The following SPRYD7 variants were observed in gnomAD, a reference collection of about 807,000 sequenced individuals.
SPRYD7 encodes SPRY domain containing 7, also known as SPRY domain-containing protein 7.
SPRYD7 carries 14 observed loss-of-function variants against 23.8 expected under a neutral mutation model. That is an observed-to-expected ratio of 0.59 (90% CI 0.39 to 0.92). The LOEUF is 0.92. SPRYD7 is among the 40% of genes least tolerant of loss of function. The pLI is 0.00. For synonymous variants in SPRYD7, 75 were observed against 84.9 expected, an observed-to-expected ratio of 0.88 and a Z score of 0.64; for missense variants, 194 against 241.7, an observed-to-expected ratio of 0.80 and a Z score of 1.31.
intron 3 of SPRYD7, among the ~76,000 whole-genome samples, chr13:49,923,053 A>G (rs1046150978): frequency 6.6e-6 from 1 of 152,220 alleles, no homozygotes; most frequent in Non-Finnish European, 1.5e-5. Flanking sequence ...TAATAAAGCT[A>G]GCTGATGGCT....
At chr13:49,915,435 TTTC>T (rs1471004436) in intron 4 of SPRYD7, among the ~76,000 whole-genome samples, 38 of 152,308 alleles carry the variant, frequency 2.5e-4, no homozygotes, top group African/African-American at 8.7e-4. Context: ...GGGTAATTTT[TTTC>T]TTATTTGCTT....
intron 2 of SPRYD7, among the ~76,000 whole-genome samples, chr13:49,929,274 C>T (rs1032220917): frequency 1.3e-5 from 2 of 152,164 alleles, no homozygotes; most frequent in Non-Finnish European, 2.9e-5. Context: ...CATGCCACTG[C>T]ACTCCAGCCT....
At chr13:49,935,902 A>C in intron 1 of SPRYD7, 1 of 347,194 alleles carries the variant, frequency 2.9e-6, no homozygotes, top group Non-Finnish European at 5.2e-6. Flanking sequence ...GGAGGTCCAC[A>C]CGCCCATTCG....
chr13:49,919,762 A>AATAAAGCAGAATGGATTGATAAACC (rs1955796594), intron 4 of SPRYD7, among the ~76,000 whole-genome samples: 1 of 151,628 alleles, frequency 6.6e-6, no homozygotes, highest in African/African-American at 2.4e-5. Context: ...TAGTATAAAA[A>AATAAAGCAGAATGGATTGATAAACC]ATAAAGCAGA....
rs887358638 is a variant in SPRYD7 at position 49,924,456 on chromosome 13, T to TTTTA, written c.391-2880_391-2877dup. 2.5e-3 allele frequency among the ~76,000 whole-genome samples: 375 copies of TTTTA among 152,072 alleles called. 3 individuals are homozygous for TTTTA. The highest frequency in any genetic ancestry group is 8.4e-3 in the African/African-American group (350 of 41,462). On this transcript the variant is annotated intron_variant, in intron 3 of 4. Transcript: ENST00000361840. ...ATGCCCGGCTAATTTTCTTTTTAAA[T>TTTTA]TTTATTTATTTATTTATTTGTTTGT... is the stretch of plus-strand genomic sequence containing the variant.
rs1036599637 is a variant in SPRYD7, at chr13:49,913,471, C to A, written c.*1592G>T. The stretch of plus-strand genomic sequence containing the variant: ...AGAAAGAAAACCACTTTCCCTGATA[C>A]TTTACCATCCAGGAAACTACACTTA... On this transcript the variant is annotated 3_prime_UTR_variant, in exon 5 of 5. Coordinates refer to ENST00000361840, the MANE Select transcript of SPRYD7 (RefSeq NM_020456.4). 6.6e-6 allele frequency: 1 copy of A among 151,066 alleles called. No homozygotes were observed. Among genetic ancestry groups the A allele is most frequent in the African/African-American group, 2.4e-5 (1 of 41,160 alleles). The allele number at this position is 151,066 out of a possible 1,614,324, so 9.4% of individuals were successfully genotyped here.
chr13:49,933,338 C>T (rs1385852400), intron 1 of SPRYD7, among the ~76,000 whole-genome samples: 1 of 152,116 alleles, frequency 6.6e-6, no homozygotes, highest in African/African-American at 2.4e-5. Flanking sequence ...AGGTGGCTAA[C>T]ACCTGTAATC....
chr13:49,936,199 T>G lies in SPRYD7; in HGVS notation c.37A>C (p.Arg13=). 6.2e-7 allele frequency: 1 copy of G among 1,608,924 alleles called. No individual in the cohort carries two copies. The highest frequency in any genetic ancestry group is 8.5e-7 in the Non-Finnish European group (1 of 1,178,746). The change falls in exon 1 of 5, where the codon AGA becomes CGA. Residue 13 remains arginine, a synonymous_variant. Transcript: ENST00000361840. ...TSVLCCLRCC[R]DGGTGHIPLK... is the part of the protein sequence containing the mutation. ...GGGATGTGGCCAGTCCCCCCGTCTC[T>G]GCAGCACCGCAGGCAGCACAACACC...
intron 3 of SPRYD7, among the ~76,000 whole-genome samples, chr13:49,924,976 CAA>C (rs1227471302): frequency 1.1e-5 from 1 of 94,166 alleles, no homozygotes. Context: ...AACTCCATCT[CAA>C]AAAAAAAAAA....
chr13:49,928,593 C>T (rs573111514), intron 2 of SPRYD7, among the ~76,000 whole-genome samples: 203 of 152,292 alleles, frequency 1.3e-3, no homozygotes, highest in African/African-American at 3.2e-3. Flanking sequence ...AATTACCTAA[C>T]CTCTCTTTGT....
intron 4 of SPRYD7, among the ~76,000 whole-genome samples, chr13:49,918,720 A>T (rs565628557): frequency 8.8e-4 from 116 of 131,164 alleles, no homozygotes; most frequent in African/African-American, 3.0e-3. Context: ...ATTTTATTTT[A>T]TTTTTTTTTG....
chr13:49,918,403 C>CTTTT (rs11436488), intron 4 of SPRYD7, among the ~76,000 whole-genome samples: 15 of 143,090 alleles, frequency 1.0e-4, no homozygotes, highest in Non-Finnish European at 9.0e-5. Context: ...TAAATTAGTT[C>CTTTT]TTTTTTTTTT....
chr13:49,935,978 G>A (rs1871606002), intron 1 of SPRYD7, 152 bp downstream of exon 1: 2 of 460,148 alleles, frequency 4.3e-6, no homozygotes, highest in Non-Finnish European at 7.5e-6. Flanking sequence ...GGAGTCCGCC[G>A]GCTTCTGGAG....
intron 1 of SPRYD7, among the ~76,000 whole-genome samples, chr13:49,932,519 A>C (rs1871433994): frequency 6.6e-6 from 1 of 152,208 alleles, no homozygotes; most frequent in South Asian, 2.1e-4. Flanking sequence ...TCTAACATGT[A>C]AGAATACACA....
chr13:49,928,206 A>C, intron 2 of SPRYD7, 121 bp from the exon 3 acceptor site: 1 of 821,936 alleles, frequency 1.2e-6, no homozygotes. Context: ...GTTTTCTATT[A>C]CTCTTTTTAA....
intron 4 of SPRYD7, among the ~76,000 whole-genome samples, chr13:49,917,394 C>T (rs950588704): frequency 5.3e-5 from 8 of 152,158 alleles, no homozygotes; most frequent in African/African-American, 1.4e-4. Context: ...TGAGCTACTG[C>T]GCCCAGCCAG....
In SPRYD7 at chr13:49,927,931, T is replaced by G; in HGVS notation, c.378A>C (p.Glu126Asp). 2 of 1,614,070 alleles carry G rather than the reference T, an allele frequency of 1.2e-6. No homozygotes were observed. The highest frequency in any genetic ancestry group is 1.7e-6 in the Non-Finnish European group (2 of 1,179,948). The change falls in exon 3 of 5, where the codon GAA becomes GAC. Residue 126 changes from glutamate (E) to aspartate (D), a missense_variant. Physicochemically the swap from Glu to Asp is conservative, Grantham distance 45. Transcript: ENST00000361840. Reference protein sequence around the residue: ...NRLPANSLPQEGDVVGITYDH... With the variant: ...NRLPANSLPQDGDVVGITYDH... ...TGAGGGAACTCACCACCACATCTCC[T>G]TCCTGCGGAAGACTGTTTGCTGGCA...
At position 49,914,355 on chromosome 13, in the gene SPRYD7, G is replaced by T. The variant is rs2138206398; in HGVS notation, c.*708C>A. The T allele has an allele frequency of 6.5e-6, 1 of 153,608 alleles. No individual in the cohort carries two copies. The highest frequency in any genetic ancestry group is 2.1e-4 in the South Asian group (1 of 4,822). The allele number at this position is 153,608 out of a possible 1,614,324, so 9.5% of individuals were successfully genotyped here. A position where few individuals can be genotyped will look rare whatever the true frequency, so the allele number is the denominator to read the frequency against. ...CTTAAAAGAATAACCTCATTTAAAT[G>T]TAAAGCATCATACTATTCTAGATGT... On this transcript the variant is annotated 3_prime_UTR_variant, in exon 5 of 5. Transcript: ENST00000361840.
intron 3 of SPRYD7, among the ~76,000 whole-genome samples, chr13:49,925,057 A>G (rs1955865895): frequency 2.0e-5 from 3 of 151,538 alleles, no homozygotes; most frequent in South Asian, 2.1e-4. Flanking sequence ...TATGAGCATT[A>G]AACAATTTAA....
Sources: gnomAD v4.1 joint callset for allele counts (sites outside exome capture counted in the v4.1 genomes callset) on GRCh38, gnomAD v4.1.1 for gene constraint, MANE v1.5 for transcripts, NCBI Gene and HGNC (gene_info 2026-07-23, HGNC 2026-07-21) for gene names.